The following STXBP6 variants were observed in gnomAD, a reference collection of about 807,000 sequenced individuals.
The protein encoded by STXBP6 is syntaxin binding protein 6.
In STXBP6, 21 loss-of-function variants were observed where a neutral mutation model predicts 26.9. That is an observed-to-expected ratio of 0.78 (90% CI 0.55 to 1.12). The LOEUF (loss-of-function observed/expected upper bound fraction) is 1.12. Ranked by LOEUF, STXBP6 falls within the 50% of genes most tolerant of loss-of-function variation. The pLI is 0.00. For synonymous variants in STXBP6, 97 were observed against 92.6 expected, an observed-to-expected ratio of 1.05 and a Z score of -0.27; for missense variants, 232 against 257.9, an observed-to-expected ratio of 0.90 and a Z score of 0.69.
chr14:24,919,406 G>A (rs1432537432), intron 2 of STXBP6, among the ~76,000 whole-genome samples: 2 of 151,070 alleles, frequency 1.3e-5, no homozygotes, highest in Non-Finnish European at 2.9e-5. Flanking sequence ...AACATCTTTG[G>A]ATGTTTTAAT....
At chr14:24,871,701 G>T (rs1361465743) in intron 2 of STXBP6, among the ~76,000 whole-genome samples, 2 of 152,214 alleles carry the variant, frequency 1.3e-5, no homozygotes, top group Non-Finnish European at 2.9e-5. Context: ...ACTGGATGGT[G>T]CCTGGAGAGC....
intron 2 of STXBP6, among the ~76,000 whole-genome samples, chr14:24,945,718 T>C (rs189075513): frequency 1.7e-4 from 26 of 152,322 alleles, no homozygotes; most frequent in Admixed American, 6.5e-4. Context: ...TTTTAAAATA[T>C]AGCAATAGCA....
chr14:24,832,295 CA>C (rs34931645), intron 4 of STXBP6, among the ~76,000 whole-genome samples: 29,469 of 152,180 alleles, frequency 0.19, 3,574 homozygotes, highest in Admixed American at 0.36. Flanking sequence ...AGCTGAACTA[CA>C]GCTTCTCTTT....
chr14:24,947,894 A>G (rs956976710), intron 2 of STXBP6, among the ~76,000 whole-genome samples: 1 of 152,312 alleles, frequency 6.6e-6, no homozygotes, highest in Middle Eastern at 3.4e-3. Flanking sequence ...ATCTTGTTAT[A>G]TAAACTCATA....
chr14:24,824,520 C>G (rs1315550951), intron 4 of STXBP6, among the ~76,000 whole-genome samples: 1 of 152,198 alleles, frequency 6.6e-6, no homozygotes, highest in East Asian at 1.9e-4. Context: ...CATTAATTAT[C>G]TGTGAATTTA....
At chr14:24,917,521 C>T (rs533411360) in intron 2 of STXBP6, among the ~76,000 whole-genome samples, 20 of 152,166 alleles carry the variant, frequency 1.3e-4, no homozygotes, top group African/African-American at 4.8e-4. Flanking sequence ...AAATTAATTG[C>T]ATTTCAGTGC....
intron 2 of STXBP6, among the ~76,000 whole-genome samples, chr14:24,896,985 C>T (rs1334121030): frequency 6.6e-6 from 1 of 152,108 alleles, no homozygotes; most frequent in Non-Finnish European, 1.5e-5. Context: ...AGGCCTTACA[C>T]ACCAGTTGGG....
intron 1 of STXBP6, among the ~76,000 whole-genome samples, chr14:25,035,785 C>T (rs1698268481): frequency 6.6e-6 from 1 of 152,058 alleles, no homozygotes; most frequent in Non-Finnish European, 1.5e-5. Flanking sequence ...TACCCACGGC[C>T]AAGTACTCTG....
At chr14:24,931,064 T>C (rs1248496911) in intron 2 of STXBP6, among the ~76,000 whole-genome samples, 3 of 133,098 alleles carry the variant, frequency 2.3e-5, no homozygotes, top group Non-Finnish European at 4.7e-5. Flanking sequence ...TGAGCCGAGA[T>C]TGCGCCACTG....
At chr14:25,015,787 AAAC>A (rs2075134854) in intron 1 of STXBP6, among the ~76,000 whole-genome samples, 1 of 147,620 alleles carries the variant, frequency 6.8e-6, no homozygotes, top group Non-Finnish European at 1.5e-5. Context: ...TTAAATTAAC[AAAC>A]AACAACAAGG....
rs750366281 is a variant in STXBP6 at position 24,812,694 on chromosome 14, A to G, written c.*15T>C. 11 of 1,613,394 alleles carry G rather than the reference A, an allele frequency of 6.8e-6. No homozygotes were observed. The highest frequency in any genetic ancestry group is 5.0e-5 in the Admixed American group (3 of 59,998). On this transcript the variant is annotated 3_prime_UTR_variant, in exon 6 of 6. Coordinates refer to ENST00000323944, the MANE Select transcript of STXBP6 (RefSeq NM_001394410.1). ...TCAGTTTCTCTTAAGAAGAGTCACC[A>G]GGATAGGCAGTTTCTCAACATTTGT...
Position 25,049,688 on chromosome 14 carries a change from G to A in STXBP6, c.-33+190C>T. 1.0e-6 allele frequency: 1 copy of A among 985,886 alleles called. No individual in the cohort carries two copies. The highest frequency in any genetic ancestry group is 1.2e-6 in the Non-Finnish European group (1 of 830,332). 61.1% of individuals were successfully genotyped at this position (985,886 alleles called of 1,614,324 possible). ...GCGCGCACAAAGCAGCTGCGCCGGG[G>A]CGCGCGGCCCCCTCTCCCGCCACCC... is the stretch of plus-strand genomic sequence containing the variant. On this transcript the variant is annotated intron_variant, in intron 1 of 5. Coordinates refer to ENST00000323944, the MANE Select transcript of STXBP6 (RefSeq NM_001394410.1). This position sits in a 1 kb window ranked among gnomAD's most constrained non-coding sequence, Gnocchi z 5.6.
chr14:24,968,607 C>A (rs1434063332), intron 2 of STXBP6, among the ~76,000 whole-genome samples: 1 of 152,084 alleles, frequency 6.6e-6, no homozygotes, highest in Non-Finnish European at 1.5e-5. Flanking sequence ...TACCTGGATT[C>A]TTCTCTACAT....
At chr14:24,830,678 T>C (rs1398343984) in intron 4 of STXBP6, among the ~76,000 whole-genome samples, 1 of 152,154 alleles carries the variant, frequency 6.6e-6, no homozygotes, top group African/African-American at 2.4e-5. Context: ...GATATTCCTG[T>C]AAGAAGCTCT....
chr14:24,969,394 A>G (rs2073835587), intron 2 of STXBP6, among the ~76,000 whole-genome samples: 1 of 152,200 alleles, frequency 6.6e-6, no homozygotes, highest in Non-Finnish European at 1.5e-5. Context: ...TTAAACATGA[A>G]ATTACAGAAT....
intron 1 of STXBP6, among the ~76,000 whole-genome samples, chr14:24,992,536 C>T (rs2074499866): frequency 6.6e-6 from 1 of 152,122 alleles, no homozygotes; most frequent in Non-Finnish European, 1.5e-5. Context: ...GCTTTGCAGA[C>T]CAGAGTTGGT....
chr14:24,814,428 G>C (rs546386854), intron 5 of STXBP6, among the ~76,000 whole-genome samples: 1 of 152,304 alleles, frequency 6.6e-6, no homozygotes, highest in South Asian at 2.1e-4. Flanking sequence ...ATAAATATTT[G>C]ATCAGTGCTG....
intron 1 of STXBP6, among the ~76,000 whole-genome samples, chr14:24,981,140 G>A (rs910184280): frequency 3.9e-5 from 6 of 152,198 alleles, no homozygotes; most frequent in Non-Finnish European, 5.9e-5. Context: ...ATGAATCATT[G>A]AAGTTTACAT....
chr14:24,911,182 A>C (rs995329735), intron 2 of STXBP6, among the ~76,000 whole-genome samples: 1 of 151,900 alleles, frequency 6.6e-6, no homozygotes, highest in South Asian at 2.1e-4. Context: ...AAAAAACAAA[A>C]AAAAATTATC....
Sources: allele counts gnomAD v4.1 joint callset (sites outside exome capture counted in the v4.1 genomes callset), GRCh38; gene constraint gnomAD v4.1.1; non-coding constraint Gnocchi (gnomAD v3.1); transcripts MANE v1.5; gene names NCBI Gene and HGNC (gene_info 2026-07-23, HGNC 2026-07-21).